The following PPP1R14C variants were observed in gnomAD, a reference collection of about 807,000 sequenced individuals.
PPP1R14C encodes protein phosphatase 1 regulatory subunit 14C.
In PPP1R14C, 16 loss-of-function variants were observed where a neutral mutation model predicts 20.4. That is an observed-to-expected ratio of 0.78 (90% CI 0.53 to 1.19). The LOEUF (loss-of-function observed/expected upper bound fraction) is 1.19. Ranked by LOEUF, PPP1R14C falls within the 50% of genes most tolerant of loss-of-function variation. PPP1R14C has a pLI of 0.00. For synonymous variants in PPP1R14C, 91 were observed against 91.0 expected (o/e 1.00, Z 0.00); for missense variants, 211 against 220.1 (o/e 0.96, Z 0.26).
intron 3 of PPP1R14C, among the ~76,000 whole-genome samples, chr6:150,243,709 A>T (rs368354258): frequency 1.3e-5 from 2 of 152,360 alleles, no homozygotes; most frequent in South Asian, 4.1e-4. Flanking sequence ...TTCCATACAA[A>T]GATTTGTACA....
At chr6:150,242,961 A>G (rs903356049) in intron 3 of PPP1R14C, among the ~76,000 whole-genome samples, 20 of 152,338 alleles carry the variant, frequency 1.3e-4, no homozygotes, top group African/African-American at 4.6e-4. Flanking sequence ...ATAGGAATAT[A>G]TCTGACAAAA....
chr6:150,161,665 T>G lies in PPP1R14C; in HGVS notation c.306+18167T>G, dbSNP rs556867010. On this transcript the variant is annotated intron_variant, in intron 1 of 3. Transcript: ENST00000361131. Reference sequence around the variant, plus strand: ...ATATCAGAATTGTTAACTCAATCCCTATGGGAAACAACTTTATCAACTAGA... The same window carrying G: ...ATATCAGAATTGTTAACTCAATCCCGATGGGAAACAACTTTATCAACTAGA... 8.5e-5 allele frequency among the ~76,000 whole-genome samples: 13 copies of G among 152,266 alleles called. No homozygotes were observed. The South Asian group carries it at 2.5e-3, about 29-fold the overall frequency.
At chr6:150,235,514 T>C (rs1017036797) in intron 3 of PPP1R14C, among the ~76,000 whole-genome samples, 1 of 152,218 alleles carries the variant, frequency 6.6e-6, no homozygotes, top group South Asian at 2.1e-4. Context: ...CTCAATGAAG[T>C]TGATAACTTA....
At chr6:150,161,709 C>T (rs763043261) in intron 1 of PPP1R14C, among the ~76,000 whole-genome samples, 2 of 152,208 alleles carry the variant, frequency 1.3e-5, no homozygotes, top group Non-Finnish European at 2.9e-5. Context: ...CTTATATGCA[C>T]TCCTTTTACA....
chr6:150,222,765 CTTTTT>C (rs4038164), intron 3 of PPP1R14C, among the ~76,000 whole-genome samples: 31 of 71,282 alleles, frequency 4.3e-4, no homozygotes, highest in African/African-American at 1.7e-3. Context: ...TTCAAACTGG[CTTTTT>C]TTTTTTTTTT....
rs1290318430 is a variant in PPP1R14C, at chr6:150,249,200, TTTTTC to T, written c.*383_*387del. 6 of 399,238 alleles carry T rather than the reference TTTTTC, an allele frequency of 1.5e-5. No homozygotes were observed. In the East Asian group the frequency reaches 2.1e-4, roughly 14 times the overall value. The allele number at this position is 399,238 out of a possible 1,614,324, so 24.7% of individuals were successfully genotyped here. ...TCTTACAAGTAGTTTGGTAATATTT[TTTTTC>T]TTAAGTTGTACATTTGACTCAGCTG... On this transcript the variant is annotated 3_prime_UTR_variant, in exon 4 of 4. Coordinates refer to ENST00000361131, the MANE Select transcript of PPP1R14C (RefSeq NM_030949.3).
At chr6:150,214,934 A>G (rs1031889274) in intron 2 of PPP1R14C, 107 bp downstream of exon 2, 3 of 767,434 alleles carry the variant, frequency 3.9e-6, no homozygotes, top group Non-Finnish European at 6.5e-6. Context: ...TGGTGTTGGC[A>G]CCAGGACCTG....
Position 150,248,994 on chromosome 6 carries a change from T to G in PPP1R14C, c.*174T>G, listed in dbSNP as rs573370704. 2.4e-5 allele frequency: 11 copies of G among 456,202 alleles called. No individual in the cohort carries two copies. In the South Asian group the frequency reaches 5.3e-4, roughly 22 times the overall value. The allele number at this position is 456,202 out of a possible 1,614,324, so 28.3% of individuals were successfully genotyped here. ...ATTAGACATTTATTCAAGAGCGTTC[T>G]TTTTTTGGTTTTAAAGGTTTTTGTT... On this transcript the variant is annotated 3_prime_UTR_variant, in exon 4 of 4. Coordinates refer to ENST00000361131, the MANE Select transcript of PPP1R14C (RefSeq NM_030949.3).
intron 1 of PPP1R14C, chr6:150,194,986 T>G (rs1436291152): frequency 2.0e-6 from 2 of 985,108 alleles, no homozygotes; most frequent in South Asian, 9.4e-5. Context: ...AAAGAATATG[T>G]GTCTGCTTTT....
At chr6:150,206,062 C>A (rs371724561) in intron 1 of PPP1R14C, among the ~76,000 whole-genome samples, 3 of 152,104 alleles carry the variant, frequency 2.0e-5, no homozygotes, top group East Asian at 3.9e-4. Context: ...TCCCTTCCCC[C>A]ACCATGGCCC....
rs1777150091 is a variant in PPP1R14C, at chr6:150,143,686, G to A, written c.306+188G>A. Among the ~76,000 whole-genome samples the A allele has an allele frequency of 6.6e-6, 1 of 152,198 alleles. No individual in the cohort carries two copies. The highest frequency in any genetic ancestry group is 6.5e-5 in the Admixed American group (1 of 15,278). ...TGGCGTCGGGCTCAGCGGTTGGGAC[G>A]CCCCTGTCTGGGTTCGGCTGCCGGT... On this transcript the variant is annotated intron_variant, in intron 1 of 3. Transcript: ENST00000361131. This position sits in a 1 kb window ranked among gnomAD's most constrained non-coding sequence, Gnocchi z 5.6.
intron 3 of PPP1R14C, among the ~76,000 whole-genome samples, chr6:150,238,132 C>G (rs1445372112): frequency 1.3e-5 from 2 of 152,150 alleles, no homozygotes; most frequent in African/African-American, 4.8e-5. Context: ...GGTGTGGACC[C>G]AGGATCTCTT....
Position 150,249,742 on chromosome 6 carries a change from G to A in PPP1R14C, c.*922G>A, listed in dbSNP as rs1345323916. On this transcript the variant is annotated 3_prime_UTR_variant, in exon 4 of 4. Transcript: ENST00000361131. ...CTCCAGGAAAGCAGATCAAAAGAAAGTTAGCAGATCGAGTGTCTTCTTCCT... is the reference window on the plus strand; with the variant it reads ...CTCCAGGAAAGCAGATCAAAAGAAAATTAGCAGATCGAGTGTCTTCTTCCT... 2.5e-6 allele frequency: 1 copy of A among 394,694 alleles called. No individual in the cohort carries two copies. The highest frequency in any genetic ancestry group is 4.5e-6 in the Non-Finnish European group (1 of 224,152). 24.4% of individuals were successfully genotyped at this position (394,694 alleles called of 1,614,324 possible).
intron 1 of PPP1R14C, among the ~76,000 whole-genome samples, chr6:150,158,173 A>C (rs1777325888): frequency 6.6e-6 from 1 of 152,186 alleles, no homozygotes; most frequent in Non-Finnish European, 1.5e-5. Flanking sequence ...ATCTCCCCAA[A>C]AGCTCAGAAT....
At chr6:150,170,193 T>C (rs992039196) in intron 1 of PPP1R14C, among the ~76,000 whole-genome samples, 1 of 152,110 alleles carries the variant, frequency 6.6e-6, no homozygotes, top group East Asian at 1.9e-4. Context: ...GGAAGTGGAA[T>C]GGGAAATATT....
At chr6:150,187,523 T>C (rs1299544941) in intron 1 of PPP1R14C, among the ~76,000 whole-genome samples, 1 of 152,130 alleles carries the variant, frequency 6.6e-6, no homozygotes, top group Non-Finnish European at 1.5e-5. Flanking sequence ...ATCTTTTAGC[T>C]TCTACTTTTG....
chr6:150,241,269 G>A (rs1341663014), intron 3 of PPP1R14C, among the ~76,000 whole-genome samples: 1 of 152,202 alleles, frequency 6.6e-6, no homozygotes. Flanking sequence ...TGGGAGAGGG[G>A]CCCAGAGAGG....
At chr6:150,179,903 A>C (rs1393518089) in intron 1 of PPP1R14C, among the ~76,000 whole-genome samples, 2 of 152,192 alleles carry the variant, frequency 1.3e-5, no homozygotes, top group African/African-American at 4.8e-5. Context: ...GGGATGTTGT[A>C]AGAATTAACT....
intron 1 of PPP1R14C, among the ~76,000 whole-genome samples, chr6:150,154,742 G>A (rs772754149): frequency 5.3e-5 from 8 of 152,180 alleles, no homozygotes; most frequent in Non-Finnish European, 8.8e-5. Flanking sequence ...GATGTCTTGT[G>A]TGAGTGGCTT....
Sources: allele counts gnomAD v4.1 joint callset (sites outside exome capture counted in the v4.1 genomes callset), GRCh38; gene constraint gnomAD v4.1.1; non-coding constraint Gnocchi (gnomAD v3.1); transcripts MANE v1.5; gene names NCBI Gene and HGNC (gene_info 2026-07-23, HGNC 2026-07-21).